The following SPATA31H1 variants were observed in gnomAD, a reference collection of about 807,000 sequenced individuals.
SPATA31H1 encodes SPATA31 subfamily H member 1.
the SPATA31H1 span, among the ~76,000 whole-genome samples, chr2:27,551,139 C>T: frequency 6.6e-6 from 1 of 152,018 alleles, no homozygotes; most frequent in Non-Finnish European, 1.5e-5. Flanking sequence ...ATCCACCTGC[C>T]TTGGCCTCCC....
the SPATA31H1 span, among the ~76,000 whole-genome samples, chr2:27,550,429 T>C: frequency 1.9e-4 from 28 of 144,126 alleles, no homozygotes; most frequent in Non-Finnish European, 3.6e-4. Flanking sequence ...TTTTTTTTTT[T>C]TTTTTTTGAG....
chr2:27,567,807 C>T, the SPATA31H1 span: 2 of 398,904 alleles, frequency 5.0e-6, no homozygotes, highest in East Asian at 3.6e-5. Flanking sequence ...GACCCCAAGG[C>T]TATCATATCA....
At chr2:27,578,091 C>G in the SPATA31H1 span, 2 of 1,613,892 alleles carry the variant, frequency 1.2e-6, no homozygotes, top group Non-Finnish European at 1.7e-6. Context: ...CATAGATGTC[C>G]CAAAAGTTGT....
At chr2:27,539,655 G>T in the SPATA31H1 span, among the ~76,000 whole-genome samples, 1 of 107,630 alleles carries the variant, frequency 9.3e-6, no homozygotes, top group East Asian at 3.2e-4. Flanking sequence ...CGGGGCCGTG[G>T]CCGGGCAGAG....
At chr2:27,563,444 A>C in the SPATA31H1 span, among the ~76,000 whole-genome samples, 1 of 113,568 alleles carries the variant, frequency 8.8e-6, no homozygotes, top group African/African-American at 3.4e-5. Context: ...CCCAGGCTGG[A>C]GAGTGCAGTG....
At chr2:27,566,480 G>A in the SPATA31H1 span, 58 of 664,506 alleles carry the variant, frequency 8.7e-5, 1 homozygote, top group South Asian at 9.6e-4. Flanking sequence ...AGAGGGAGAA[G>A]AGAGAGTTTG....
the SPATA31H1 span, among the ~76,000 whole-genome samples, chr2:27,545,006 T>C: frequency 1.4e-5 from 2 of 146,046 alleles, no homozygotes; most frequent in East Asian, 2.1e-4. Context: ...TTCTTGCACA[T>C]TGCATTTCAA....
At chr2:27,575,797 C>T in the SPATA31H1 span, 4 of 398,424 alleles carry the variant, frequency 1.0e-5, no homozygotes, top group African/African-American at 2.1e-5. This position sits in a 1 kb window ranked among gnomAD's most constrained non-coding sequence, Gnocchi z 4.1. Context: ...GGTGTGAATT[C>T]TGCATTCATT....
At chr2:27,581,303 C>T in the SPATA31H1 span, 1 of 1,614,110 alleles carries the variant, frequency 6.2e-7, no homozygotes, top group Non-Finnish European at 8.5e-7. Flanking sequence ...AACGCAGTTC[C>T]TTGGAGAGAA....
At chr2:27,569,510 T>G in the SPATA31H1 span, 1 of 398,948 alleles carries the variant, frequency 2.5e-6, no homozygotes. Flanking sequence ...AGTTAACCAG[T>G]GAGTCATCTC....
the SPATA31H1 span, among the ~76,000 whole-genome samples, chr2:27,558,987 C>G: frequency 6.7e-6 from 1 of 150,228 alleles, no homozygotes; most frequent in East Asian, 2.0e-4. Flanking sequence ...ATTTTAAAAT[C>G]CATGTTTTAT....
the SPATA31H1 span, chr2:27,578,860 G>C: frequency 6.2e-7 from 1 of 1,614,138 alleles, no homozygotes; most frequent in Non-Finnish European, 8.5e-7. Flanking sequence ...GAAGTATCCA[G>C]AGCTTTGGAT....
At chr2:27,576,013 C>T in the SPATA31H1 span, 1 of 398,658 alleles carries the variant, frequency 2.5e-6, no homozygotes, top group Non-Finnish European at 4.4e-6. Context: ...TCTGAATTGA[C>T]TCCAGGGTCA....
chr2:27,570,702 A>G, the SPATA31H1 span: 2 of 398,738 alleles, frequency 5.0e-6, no homozygotes, highest in Non-Finnish European at 8.9e-6. Context: ...CCCAGGGCCA[A>G]AGATGCAAGG....
the SPATA31H1 span, chr2:27,567,148 G>A: frequency 3.6e-5 from 24 of 673,498 alleles, no homozygotes; most frequent in Admixed American, 2.5e-4. Flanking sequence ...AAACAAAAAA[G>A]GAAAAAAAAT....
At chr2:27,575,269 CT>C in the SPATA31H1 span, 1 of 398,384 alleles carries the variant, frequency 2.5e-6, no homozygotes, top group African/African-American at 2.1e-5. This position sits in a 1 kb window ranked among gnomAD's most constrained non-coding sequence, Gnocchi z 4.1. Flanking sequence ...GAGTTCAATG[CT>C]GAAAAGCAGC....
chr2:27,581,425 C>G, the SPATA31H1 span: 2 of 1,614,116 alleles, frequency 1.2e-6, no homozygotes, highest in East Asian at 4.5e-5. Context: ...TGCAGTCCCC[C>G]CGAGAGGAGC....
At chr2:27,537,865 G>T in the SPATA31H1 span, among the ~76,000 whole-genome samples, 1 of 152,168 alleles carries the variant, frequency 6.6e-6, no homozygotes, top group Non-Finnish European at 1.5e-5. Flanking sequence ...TTGCTGACAT[G>T]GGAGGTAGAC....
the SPATA31H1 span, chr2:27,580,419 A>G: frequency 6.2e-7 from 1 of 1,614,012 alleles, no homozygotes; most frequent in Non-Finnish European, 8.5e-7. Flanking sequence ...AACCAAAAAG[A>G]CCTCTGATTC....
Sources: gnomAD v4.1 joint callset for allele counts (sites outside exome capture counted in the v4.1 genomes callset) on GRCh38, gnomAD v4.1.1 for gene constraint, Gnocchi (gnomAD v3.1) non-coding constraint, MANE v1.5 for transcripts, NCBI Gene and HGNC (gene_info 2026-07-23, HGNC 2026-07-21) for gene names.